FBL: variants seen among roughly 807,000 people sequenced by gnomAD.
FBL encodes rRNA 2'-O-methyltransferase fibrillarin.
In FBL, 10 loss-of-function variants were observed where a neutral mutation model predicts 42.2. The ratio of observed to expected loss-of-function variants is 0.24; its 90% confidence interval spans 0.15 to 0.40. FBL has a LOEUF of 0.40. Ranked by LOEUF, FBL falls within the 10% of genes least tolerant of loss-of-function variation. FBL has a pLI of 1.00. For missense variants in FBL, 351 were observed against 439.2 expected (o/e 0.80, Z 1.79); for synonymous variants, 165 against 165.4 (o/e 1.00, Z 0.02).
Position 39,846,284 on chromosome 19 carries a change from G to A in FBL, c.10+7C>T. The A allele has an allele frequency of 1.2e-6, 2 of 1,613,860 alleles. No individual in the cohort carries two copies. The highest frequency in any genetic ancestry group is 1.7e-6 in the Non-Finnish European group (2 of 1,179,880). On this transcript the variant is annotated splice_region_variant and intron_variant, in intron 1 of 8. Transcript: ENST00000221801. The stretch of plus-strand genomic sequence containing the variant: ...TCCCTGACCCCGGACCCTCACCCCA[G>A]CCTGACCTGGCTTCATGGCGAGCCC...
intron 1 of FBL, among the ~76,000 whole-genome samples, chr19:39,845,640 G>A (rs1328808687): frequency 6.6e-6 from 1 of 152,138 alleles, no homozygotes; most frequent in South Asian, 2.1e-4. Flanking sequence ...GACTAATGCC[G>A]AGCTTGTTAA....
At chr19:39,844,968 G>C (rs1433569118) in intron 1 of FBL, among the ~76,000 whole-genome samples, 1 of 152,116 alleles carries the variant, frequency 6.6e-6, no homozygotes, top group Non-Finnish European at 1.5e-5. Context: ...GGGAATCACA[G>C]ACCAGAATGC....
rs745888818 is a variant in FBL, at chr19:39,837,804, C to G, written c.589G>C (p.Gly197Arg). The change falls in exon 6 of 9, where the codon GGC (glycine) becomes CGC (arginine). Residue 197 changes from glycine (G) to arginine (R), a missense_variant. Coordinates refer to ENST00000221801, the MANE Select transcript of FBL (RefSeq NM_001436.4). ...VYAVEFSHRS[G>R]RDLINLAKKR... The stretch of plus-strand genomic sequence containing the variant: ...TTGGCCAAGTTAATGAGGTCACGGC[C>G]AGAGCGGTGGGAGAACTCGACTGCA... 1 of 1,612,548 alleles carries G rather than the reference C, an allele frequency of 6.2e-7. No individual in the cohort carries two copies. Among genetic ancestry groups the G allele is most frequent in the Non-Finnish European group, 8.5e-7 (1 of 1,179,516 alleles).
intron 1 of FBL, among the ~76,000 whole-genome samples, chr19:39,843,357 T>A: frequency 6.6e-6 from 1 of 152,180 alleles, no homozygotes; most frequent in East Asian, 1.9e-4. Flanking sequence ...ACCAGGGAAG[T>A]GCCGGTCACT....
At chr19:39,846,173 G>A in intron 1 of FBL, 118 bp downstream of exon 1, 3 of 1,206,014 alleles carry the variant, frequency 2.5e-6, no homozygotes, top group South Asian at 1.3e-5. Context: ...CAGGAGACTG[G>A]AACCCGTGCT....
intron 1 of FBL, among the ~76,000 whole-genome samples, chr19:39,845,883 G>C (rs567731103): frequency 6.6e-6 from 1 of 152,310 alleles, no homozygotes; most frequent in Non-Finnish European, 1.5e-5. Context: ...CACAGCTCCA[G>C]GACCCAAGGT....
At position 39,834,533 on chromosome 19, in the gene FBL, G is replaced by C. The variant is rs758829716; in HGVS notation, c.*5C>G. ...CATCTCTCGCAATCCTGACAGCGCT[G>C]AACTTCAGTTCTTCACCTTGGGGGG... On this transcript the variant is annotated 3_prime_UTR_variant, in exon 9 of 9. Coordinates refer to ENST00000221801, the MANE Select transcript of FBL (RefSeq NM_001436.4). 2 of 1,614,036 alleles carry C rather than the reference G, an allele frequency of 1.2e-6. No homozygotes were observed. The highest frequency in any genetic ancestry group is 2.2e-5 in the South Asian group (2 of 91,082).
Position 39,834,659 on chromosome 19 carries a change from C to CCTGCT in FBL, c.941+4_941+8dup, listed in dbSNP as rs767892535. 5.0e-6 allele frequency: 8 copies of CCTGCT among 1,614,084 alleles called. No individual in the cohort carries two copies. In the African/African-American group the frequency reaches 5.3e-5, roughly 11 times the overall value. On this transcript the variant is annotated intron_variant, in intron 8 of 8. Transcript: ENST00000221801. ...GTCTGTCTTGGTGTATTGCTGGGCC[C>CCTGCT]CTGCTCACCTGTACACTCCCACGAC...
At chr19:39,842,433 C>A (rs1369625744) in intron 1 of FBL, among the ~76,000 whole-genome samples, 1 of 152,094 alleles carries the variant, frequency 6.6e-6, no homozygotes, top group Middle Eastern at 3.2e-3. Flanking sequence ...TCCTACGAAC[C>A]CTTCATGCAC....
In FBL at chr19:39,840,198, G is replaced by A. The variant is rs986311648; in HGVS notation, c.378+35C>T. On this transcript the variant is annotated intron_variant, in intron 4 of 8. Transcript: ENST00000221801. The surrounding 1 kb of genome is among the most constrained non-coding windows in gnomAD (Gnocchi z 4.5). Reference sequence around the variant, plus strand: ...GACTACTGGCTACACCCTCAGCTGCGACCCTGGTGGCTTGGACAGGGGCCC... The same window carrying A: ...GACTACTGGCTACACCCTCAGCTGCAACCCTGGTGGCTTGGACAGGGGCCC... 1.2e-5 allele frequency: 18 copies of A among 1,494,080 alleles called. No homozygotes were observed. Among genetic ancestry groups the A allele is most frequent in the Middle Eastern group, 2.0e-4 (1 of 5,024 alleles). The allele number at this position is 1,494,080 out of a possible 1,614,324, so 92.6% of individuals were successfully genotyped here.
In FBL at chr19:39,843,494, G is replaced by A. The variant is rs373344795; in HGVS notation, c.11-2707C>T. On this transcript the variant is annotated intron_variant, in intron 1 of 8. Transcript: ENST00000221801. The stretch of plus-strand genomic sequence containing the variant: ...TGGAGACAATACAGTGCCAGGCCAC[G>A]CGCCATAGCTCATGCCTGTAATCCC... 2.2e-4 allele frequency among the ~76,000 whole-genome samples: 33 copies of A among 152,348 alleles called. No homozygotes were observed. The South Asian group carries it at 6.2e-3, about 29-fold the overall frequency.
In FBL at chr19:39,840,772, C is replaced by G; in HGVS notation, c.26G>C (p.Gly9Ala). The change falls in exon 2 of 9, where the codon GGG (glycine) becomes GCG (alanine). Residue 9 changes from glycine to alanine, a missense_variant. By Grantham distance (60) the Gly-to-Ala change is moderately conservative. Coordinates refer to ENST00000221801, the MANE Select transcript of FBL (RefSeq NM_001436.4). The surrounding 1 kb of genome is among the most constrained non-coding windows in gnomAD (Gnocchi z 4.5). ...GCCCCCTCGGCCGCCAAAGCCACCC[C>G]CACGGGGACTGAATCCTGTGGGGGA... MKPGFSPR[G>A]GGFGGRGGFG... 1 of 1,559,492 alleles carries G rather than the reference C, an allele frequency of 6.4e-7. No homozygotes were observed. Among genetic ancestry groups the G allele is most frequent in the African/African-American group, 1.4e-5 (1 of 73,678 alleles).
intron 1 of FBL, among the ~76,000 whole-genome samples, chr19:39,843,556 G>A (rs1969201477): frequency 6.6e-6 from 1 of 152,186 alleles, no homozygotes; most frequent in South Asian, 2.1e-4. Context: ...GACAGTTTGA[G>A]GCCAGGAGTT....
Position 39,840,767 on chromosome 19 carries a change from C to G in FBL, c.31G>C (p.Gly11Arg), listed in dbSNP as rs1295576632. 6.4e-7 allele frequency: 1 copy of G among 1,565,762 alleles called. No individual in the cohort carries two copies. Among genetic ancestry groups the G allele is most frequent in the Non-Finnish European group, 8.7e-7 (1 of 1,154,730 alleles). ...CCAAAGCCCCCTCGGCCGCCAAAGC[C>G]ACCCCCACGGGGACTGAATCCTGTG... MKPGFSPRGG[G>R]FGGRGGFGDR... Residue 11 changes from glycine to arginine, a missense_variant, in exon 2 of 9, where the codon GGC becomes CGC. By Grantham distance (125) the Gly-to-Arg change is moderately radical. Coordinates refer to ENST00000221801, the MANE Select transcript of FBL (RefSeq NM_001436.4). The surrounding 1 kb of genome is among the most constrained non-coding windows in gnomAD (Gnocchi z 4.5).
chr19:39,840,498 C>A lies in FBL; in HGVS notation c.199G>T (p.Gly67Cys), dbSNP rs1451632378. 2 of 1,614,196 alleles carry A rather than the reference C, an allele frequency of 1.2e-6. No homozygotes were observed. The change falls in exon 3 of 9, where the codon GGT becomes TGT. Residue 67 changes from glycine to cysteine, a missense_variant. Gly to Cys is a radical substitution (Grantham distance 159, BLOSUM62 -3). Transcript: ENST00000221801. The surrounding 1 kb of genome is among the most constrained non-coding windows in gnomAD (Gnocchi z 4.5). ...GGRGGGGFHS[G>C]GNRGRGRGGK... ...CCCCGACCACGACCCCGGTTGCCAC[C>A]AGAATGGAAGCCTCCACCTATAAAG...
chr19:39,844,072 A>G (rs1200062565), intron 1 of FBL, among the ~76,000 whole-genome samples: 1 of 152,208 alleles, frequency 6.6e-6, no homozygotes, highest in Admixed American at 6.5e-5. Context: ...TTTCCTTTTC[A>G]AAACTCTAGA....
intron 1 of FBL, among the ~76,000 whole-genome samples, chr19:39,842,998 C>G (rs772138021): frequency 2.0e-5 from 3 of 152,178 alleles, no homozygotes; most frequent in Non-Finnish European, 4.4e-5. Context: ...CTCACTCGCT[C>G]CTTCACTGCA....
At chr19:39,842,403 A>G (rs1214561523) in intron 1 of FBL, among the ~76,000 whole-genome samples, 1 of 152,150 alleles carries the variant, frequency 6.6e-6, no homozygotes, top group African/African-American at 2.4e-5. Context: ...TGTTTTTTGT[A>G]AAGATACATT....
At chr19:39,844,479 G>T (rs1015065999) in intron 1 of FBL, among the ~76,000 whole-genome samples, 1 of 109,370 alleles carries the variant, frequency 9.1e-6, no homozygotes, top group Non-Finnish European at 2.0e-5. Flanking sequence ...TTTGGGGGGA[G>T]GGGGGTCCAT....
Sources: allele counts gnomAD v4.1 joint callset (sites outside exome capture counted in the v4.1 genomes callset), GRCh38; gene constraint gnomAD v4.1.1; non-coding constraint Gnocchi (gnomAD v3.1); transcripts MANE v1.5; gene names NCBI Gene and HGNC (gene_info 2026-07-23, HGNC 2026-07-21).